Variants in PRELID2 observed in about 807,000 individuals in gnomAD.
PRELID2 encodes PRELI domain containing 2.
PRELID2 carries 25 observed loss-of-function variants against 28.4 expected under a neutral mutation model. That is an observed-to-expected ratio of 0.88 (90% CI 0.64 to 1.23). The LOEUF (loss-of-function observed/expected upper bound fraction) is 1.23. PRELID2 is among the 50% of genes most tolerant of loss of function. The pLI, the probability that PRELID2 is intolerant of heterozygous loss-of-function variation, is 0.00. For missense variants in PRELID2, 201 were observed against 214.4 expected, an observed-to-expected ratio of 0.94 and a Z score of 0.39; for synonymous variants, 76 against 71.6, an observed-to-expected ratio of 1.06 and a Z score of -0.31.
intron 1 of PRELID2, among the ~76,000 whole-genome samples, chr5:145,575,264 T>C (rs371376906): frequency 1.1e-4 from 16 of 152,290 alleles, no homozygotes; most frequent in African/African-American, 3.8e-4. Context: ...TAAAGTCAAA[T>C]GATACAAATC....
chr5:145,383,913 TG>T, the PRELID2 span, among the ~76,000 whole-genome samples: 1 of 152,100 alleles, frequency 6.6e-6, no homozygotes, highest in Non-Finnish European at 1.5e-5. Flanking sequence ...TGTGTATATA[TG>T]TATGTATGTG....
chr5:145,370,859 T>C, the PRELID2 span, among the ~76,000 whole-genome samples: 2 of 152,102 alleles, frequency 1.3e-5, no homozygotes, highest in African/African-American at 2.4e-5. Flanking sequence ...TTCCTAGGTA[T>C]TTTATTCTCT....
chr5:145,644,819 G>A (rs1482599390), intron 1 of PRELID2, among the ~76,000 whole-genome samples: 1 of 152,308 alleles, frequency 6.6e-6, no homozygotes, highest in East Asian at 1.9e-4. Context: ...ATATAGTTGT[G>A]TGGTTTTGAG....
At chr5:145,732,681 C>A (rs1297938772) in intron 1 of PRELID2, among the ~76,000 whole-genome samples, 1 of 152,094 alleles carries the variant, frequency 6.6e-6, no homozygotes, top group African/African-American at 2.4e-5. Context: ...CCAAAAATAA[C>A]CTTCAGAGAT....
intron 4 of PRELID2, among the ~76,000 whole-genome samples, chr5:145,817,198 A>ATAT (rs1754372530): frequency 5.7e-5 from 4 of 70,096 alleles, no homozygotes; most frequent in Admixed American, 3.5e-4. Flanking sequence ...TTCAAAAAAA[A>ATAT]ATAAATAAAT....
At chr5:145,285,822 A>G in the PRELID2 span, among the ~76,000 whole-genome samples, 50 of 152,166 alleles carry the variant, frequency 3.3e-4, no homozygotes, top group Non-Finnish European at 5.9e-5. Flanking sequence ...GAGATCTTAA[A>G]CAATTCAAGT....
At chr5:145,399,514 A>C in the PRELID2 span, among the ~76,000 whole-genome samples, 1 of 152,086 alleles carries the variant, frequency 6.6e-6, no homozygotes, top group East Asian at 1.9e-4. Context: ...AAAAATTCCA[A>C]CTGAATCTAA....
intron 1 of PRELID2, among the ~76,000 whole-genome samples, chr5:145,588,894 T>A (rs1337096143): frequency 6.7e-6 from 1 of 148,980 alleles, no homozygotes; most frequent in Non-Finnish European, 1.5e-5. Context: ...AAAAAAAAAA[T>A]CGTCATTTTC....
chr5:145,781,285 C>A (rs1485769011), intron 5 of PRELID2, among the ~76,000 whole-genome samples: 2 of 152,202 alleles, frequency 1.3e-5, no homozygotes, highest in African/African-American at 4.8e-5. Context: ...AAGGACACAG[C>A]TGTTGCTAAA....
At chr5:145,699,875 G>A (rs536869075) in intron 1 of PRELID2, among the ~76,000 whole-genome samples, 198 of 152,254 alleles carry the variant, frequency 1.3e-3, no homozygotes, top group Middle Eastern at 6.8e-3. Flanking sequence ...CTGGTGTTTG[G>A]TGTTTCTCGC....
At position 145,813,117 on chromosome 5, in the gene PRELID2, C is replaced by T. The variant is rs544199926; in HGVS notation, c.368+4777G>A. Among the ~76,000 whole-genome samples, 8 of 152,316 alleles carry T rather than the reference C, an allele frequency of 5.3e-5. No individual in the cohort carries two copies. The South Asian group carries it at 1.7e-3, about 32-fold the overall frequency. On this transcript the variant is annotated intron_variant, in intron 4 of 6. Transcript: ENST00000683046. ...GACAGAGTGACATCTGGTTTCTAGT[C>T]ACACACCCACACCTGCTAACCAACA...
the PRELID2 span, chr5:145,440,818 T>G: frequency 6.6e-6 from 1 of 152,046 alleles, no homozygotes; most frequent in African/African-American, 2.4e-5. Context: ...TTTCAGAAAC[T>G]TTTAATGAAT....
intron 1 of PRELID2, among the ~76,000 whole-genome samples, chr5:145,713,570 A>G (rs1261838700): frequency 7.0e-6 from 1 of 142,508 alleles, no homozygotes; most frequent in Non-Finnish European, 1.5e-5. Context: ...TATACTTTAT[A>G]TATATACACT....
intron 1 of PRELID2, among the ~76,000 whole-genome samples, chr5:145,735,524 G>T (rs1484886642): frequency 2.0e-5 from 3 of 152,118 alleles, no homozygotes; most frequent in Non-Finnish European, 1.5e-5. Context: ...AACTCAAGAA[G>T]TATACAGATA....
At chr5:145,276,699 G>T in the PRELID2 span, among the ~76,000 whole-genome samples, 1 of 151,938 alleles carries the variant, frequency 6.6e-6, no homozygotes, top group Non-Finnish European at 1.5e-5. Flanking sequence ...GTCATGAATT[G>T]CTTTCTGCTA....
the PRELID2 span, among the ~76,000 whole-genome samples, chr5:145,371,317 A>C: frequency 6.6e-6 from 1 of 152,066 alleles, no homozygotes. Context: ...AGAGTTTTTA[A>C]CATGAAGGGA....
chr5:145,551,512 C>A (rs1003216068), intron 1 of PRELID2, among the ~76,000 whole-genome samples: 1 of 152,170 alleles, frequency 6.6e-6, no homozygotes, highest in African/African-American at 2.4e-5. Context: ...TTTGACTTGG[C>A]AACCCAATCA....
chr5:145,530,462 T>C (rs1278164786), intron 1 of PRELID2, among the ~76,000 whole-genome samples: 3 of 151,766 alleles, frequency 2.0e-5, no homozygotes, highest in African/African-American at 4.8e-5. Flanking sequence ...GTTTACCAAA[T>C]AGAAAATAAG....
At chr5:145,352,055 G>A in the PRELID2 span, among the ~76,000 whole-genome samples, 2 of 152,148 alleles carry the variant, frequency 1.3e-5, no homozygotes, top group Non-Finnish European at 2.9e-5. Context: ...GAATGTCTGT[G>A]GCTTTTCCAG....
Sources: allele counts gnomAD v4.1 joint callset (sites outside exome capture counted in the v4.1 genomes callset), GRCh38; gene constraint gnomAD v4.1.1; transcripts MANE v1.5; gene names NCBI Gene and HGNC (gene_info 2026-07-23, HGNC 2026-07-21).